The following EXOC6B variants were observed in gnomAD, a reference collection of about 807,000 sequenced individuals.
EXOC6B encodes the protein SEC15 homolog B.
Under a neutral mutation model 113.5 loss-of-function variants are expected in EXOC6B, and 54 were observed. The observed-to-expected ratio is 0.48, with a 90% confidence interval of 0.38 to 0.60. The LOEUF (loss-of-function observed/expected upper bound fraction) is 0.60. EXOC6B is among the 20% of genes least tolerant of loss of function. The pLI is 0.00. For synonymous variants in EXOC6B, 357 were observed against 339.0 expected (o/e 1.05, Z -0.58); for missense variants, 797 against 977.5 (o/e 0.82, Z 2.46).
chr2:72,353,033 G>A (rs920295866), intron 19 of EXOC6B, among the ~76,000 whole-genome samples: 2 of 152,132 alleles, frequency 1.3e-5, no homozygotes, highest in Non-Finnish European at 2.9e-5. Context: ...AGAAATTCTT[G>A]GGAGATTGGG....
At chr2:72,695,378 C>T (rs1204583610) in intron 6 of EXOC6B, among the ~76,000 whole-genome samples, 1 of 152,058 alleles carries the variant, frequency 6.6e-6, no homozygotes, top group Non-Finnish European at 1.5e-5. Context: ...AACTGGGCTG[C>T]GTAGACAAGA....
At chr2:72,352,491 TTCTC>T (rs982065917) in intron 19 of EXOC6B, among the ~76,000 whole-genome samples, 59 of 152,230 alleles carry the variant, frequency 3.9e-4, no homozygotes, top group African/African-American at 1.3e-3. Flanking sequence ...TTGGGTTTTT[TTCTC>T]TCTCTCCTTT....
chr2:72,733,010 G>A (rs1325225115), intron 3 of EXOC6B, 61 bp downstream of exon 3: 1 of 1,121,366 alleles, frequency 8.9e-7, no homozygotes, highest in Non-Finnish European at 1.3e-6. Flanking sequence ...GAATAACATA[G>A]TCATTAAAAG....
intron 5 of EXOC6B, among the ~76,000 whole-genome samples, chr2:72,721,378 A>AT (rs1156403097): frequency 2.7e-5 from 4 of 149,144 alleles, no homozygotes; most frequent in African/African-American, 9.8e-5. Flanking sequence ...AAAAAAAAAA[A>AT]AAAAAAAAAA....
At chr2:72,684,194 T>C (rs112951604) in intron 6 of EXOC6B, among the ~76,000 whole-genome samples, 2,495 of 152,256 alleles carry the variant, frequency 0.016, 92 homozygotes, top group African/African-American at 0.058. Context: ...CTCAAAGCGC[T>C]GGGATTAAAG....
intron 17 of EXOC6B, among the ~76,000 whole-genome samples, chr2:72,479,223 T>A (rs993512023): frequency 6.6e-6 from 1 of 152,208 alleles, no homozygotes; most frequent in Non-Finnish European, 1.5e-5. Context: ...TACAGTAATT[T>A]AATGAATGTG....
chr2:72,526,672 C>T (rs1388392710), intron 8 of EXOC6B, among the ~76,000 whole-genome samples: 1 of 151,808 alleles, frequency 6.6e-6, no homozygotes, highest in Non-Finnish European at 1.5e-5. Flanking sequence ...ATAAATAAAT[C>T]TGTCATACTG....
intron 6 of EXOC6B, among the ~76,000 whole-genome samples, chr2:72,696,554 A>G (rs1677898988): frequency 6.6e-6 from 1 of 152,198 alleles, no homozygotes; most frequent in Non-Finnish European, 1.5e-5. Context: ...TGGCTAATAC[A>G]ATGTAGTGGA....
chr2:72,373,286 C>T (rs568452974), intron 19 of EXOC6B, among the ~76,000 whole-genome samples: 41 of 152,104 alleles, frequency 2.7e-4, no homozygotes, highest in Non-Finnish European at 5.9e-5. Flanking sequence ...AACTCCTGAC[C>T]TCAAGTGATC....
chr2:72,711,295 T>A lies in EXOC6B; in HGVS notation c.669+6808A>T, dbSNP rs551336522. ...ACACAGAAAATGGAATAGGATAAAA[T>A]GGAGGGGTTTTCTACTGCTCTAAAG... On this transcript the variant is annotated intron_variant, in intron 6 of 21. Transcript: ENST00000272427. 1.1e-4 allele frequency among the ~76,000 whole-genome samples: 16 copies of A among 152,014 alleles called. No homozygotes were observed. The South Asian group carries it at 3.3e-3, about 32-fold the overall frequency.
intron 18 of EXOC6B, among the ~76,000 whole-genome samples, chr2:72,410,658 C>A (rs2105219935): frequency 6.6e-6 from 1 of 152,216 alleles, no homozygotes; most frequent in East Asian, 1.9e-4. Context: ...TTGAGTACAG[C>A]AATTTAGCTT....
rs543251678 is a variant in EXOC6B at position 72,764,733 on chromosome 2, A to T, written c.114-23264T>A. Among the ~76,000 whole-genome samples, 14 of 152,306 alleles carry T rather than the reference A, an allele frequency of 9.2e-5. 2 individuals carry two copies. The South Asian group carries it at 2.9e-3, about 32-fold the overall frequency. On this transcript the variant is annotated intron_variant, in intron 1 of 21. Transcript: ENST00000272427. ...GTGGAAATGAATTTTACACTGATAG[A>T]GTTGATAAACACATATATTTTGTTC...
At chr2:72,796,835 G>A (rs910318942) in intron 1 of EXOC6B, among the ~76,000 whole-genome samples, 3 of 152,220 alleles carry the variant, frequency 2.0e-5, no homozygotes, top group African/African-American at 7.2e-5. Context: ...AGAGGAGACA[G>A]CTAGCTCAAT....
At chr2:72,265,611 C>T (rs1382578118) in intron 20 of EXOC6B, among the ~76,000 whole-genome samples, 2 of 151,658 alleles carry the variant, frequency 1.3e-5, no homozygotes, top group Admixed American at 6.6e-5. Context: ...GCATAGTATT[C>T]CATGGTGTAT....
At chr2:72,662,504 G>C (rs1178670477) in intron 6 of EXOC6B, among the ~76,000 whole-genome samples, 2 of 152,108 alleles carry the variant, frequency 1.3e-5, no homozygotes, top group Non-Finnish European at 2.9e-5. Context: ...AAAAATGTTT[G>C]AATAGACACT....
intron 6 of EXOC6B, among the ~76,000 whole-genome samples, chr2:72,671,747 CAGAGAAAGAAAGAAAGAA>C (rs1437449701): frequency 2.4e-5 from 2 of 84,856 alleles, no homozygotes; most frequent in Non-Finnish European, 4.4e-5. Context: ...GAGAGAGAGA[CAGAGAAAGAAAGAAAGAA>C]AGAAAGAAAG....
At chr2:72,399,897 G>A (rs1693026366) in intron 18 of EXOC6B, among the ~76,000 whole-genome samples, 1 of 151,998 alleles carries the variant, frequency 6.6e-6, no homozygotes. Flanking sequence ...CTATCAAAAT[G>A]CCAATGTGAT....
intron 18 of EXOC6B, among the ~76,000 whole-genome samples, chr2:72,390,383 C>T (rs1038672565): frequency 6.6e-6 from 1 of 152,106 alleles, no homozygotes; most frequent in African/African-American, 2.4e-5. Flanking sequence ...AATTCTGTCA[C>T]TTCTGTCATG....
chr2:72,213,798 T>C (rs566616963), intron 20 of EXOC6B, among the ~76,000 whole-genome samples: 1 of 152,250 alleles, frequency 6.6e-6, no homozygotes, highest in Non-Finnish European at 1.5e-5. Flanking sequence ...CCTTCCATCA[T>C]GCGAGGACAC....
Sources: allele counts gnomAD v4.1 joint callset (sites outside exome capture counted in the v4.1 genomes callset), GRCh38; gene constraint gnomAD v4.1.1; transcripts MANE v1.5; gene names NCBI Gene and HGNC (gene_info 2026-07-23, HGNC 2026-07-21).